The following POLE2 variants were observed in gnomAD, a reference collection of about 807,000 sequenced individuals.
POLE2 encodes DNA polymerase epsilon subunit 2.
Under a neutral mutation model 79.4 loss-of-function variants are expected in POLE2, and 56 were observed. The observed-to-expected ratio is 0.71, with a 90% CI of 0.57 to 0.88. POLE2 has a LOEUF of 0.88. Among genes scored for constraint, POLE2 ranks in the 40% least tolerant of loss-of-function variants. POLE2 has a pLI of 0.00. For synonymous variants in POLE2, 212 were observed against 214.0 expected (o/e 0.99, Z 0.08); for missense variants, 598 against 638.9 (o/e 0.94, Z 0.69).
chr14:49,677,452 C>T (rs1886363873), intron 3 of POLE2: 4 of 459,376 alleles, frequency 8.7e-6, no homozygotes, highest in South Asian at 2.8e-5. Flanking sequence ...TGCTTGGAGA[C>T]GAGGGGCAGC....
intron 18 of POLE2, among the ~76,000 whole-genome samples, chr14:49,645,635 A>G (rs1883706186): frequency 6.6e-6 from 1 of 152,178 alleles, no homozygotes; most frequent in Non-Finnish European, 1.5e-5. Flanking sequence ...AAGTACCATG[A>G]GACAGGGTAC....
At chr14:49,656,536 T>G (rs147836051) in intron 10 of POLE2, among the ~76,000 whole-genome samples, 472 of 152,252 alleles carry the variant, frequency 3.1e-3, no homozygotes, top group Non-Finnish European at 5.5e-3. Context: ...ATTAAAGATA[T>G]ATACAAAGAC....
intron 15 of POLE2, 177 bp downstream of exon 15, chr14:49,653,813 A>C: frequency 2.0e-6 from 1 of 508,488 alleles, no homozygotes; most frequent in Non-Finnish European, 3.5e-6. Flanking sequence ...AAGCCCAGCT[A>C]ATTTTTGTAC....
At chr14:49,672,075 G>T (rs1885938606) in intron 5 of POLE2, among the ~76,000 whole-genome samples, 1 of 152,202 alleles carries the variant, frequency 6.6e-6, no homozygotes, top group Non-Finnish European at 1.5e-5. Flanking sequence ...GGAGATAAGA[G>T]GGAAGAGCAG....
At chr14:49,655,462 C>CACACAT (rs958026184) in intron 11 of POLE2, among the ~76,000 whole-genome samples, 12 of 138,030 alleles carry the variant, frequency 8.7e-5, no homozygotes, top group African/African-American at 3.0e-4. Flanking sequence ...ACTATAAACA[C>CACACAT]ACACACACAC....
At chr14:49,644,172 G>A (rs914652134) in intron 18 of POLE2, among the ~76,000 whole-genome samples, 7 of 149,416 alleles carry the variant, frequency 4.7e-5, no homozygotes, top group African/African-American at 7.3e-5. Context: ...ATGAGCCACC[G>A]CGCCCGGCCA....
At chr14:49,666,024 C>T (rs1175346712) in intron 7 of POLE2, among the ~76,000 whole-genome samples, 1 of 152,126 alleles carries the variant, frequency 6.6e-6, no homozygotes, top group East Asian at 1.9e-4. Flanking sequence ...CAGGGTTTCT[C>T]CATGTTGGTC....
At position 49,665,189 on chromosome 14, in the gene POLE2, C is replaced by T. The variant is rs376247538; in HGVS notation, c.577-26G>A. ...CTAAAAAAATGAAAATAAATAAATC[C>T]ACATTTATGTAACAATGAAAACCGT... On this transcript the variant is annotated intron_variant, in intron 7 of 18. Coordinates refer to ENST00000216367, the MANE Select transcript of POLE2 (RefSeq NM_002692.4). 2.7e-4 allele frequency: 265 copies of T among 991,862 alleles called. No homozygotes were observed. In the African/African-American group the frequency reaches 3.5e-3, roughly 13 times the overall value. 61.4% of individuals were successfully genotyped at this position (991,862 alleles called of 1,614,324 possible).
chr14:49,674,527 T>G (rs1461686409), intron 3 of POLE2, 100 bp from the exon 4 acceptor site: 1 of 731,340 alleles, frequency 1.4e-6, no homozygotes, highest in Admixed American at 2.5e-5. Context: ...ATAACACACT[T>G]TTCACATTTT....
chr14:49,677,850 T>C, intron 3 of POLE2: 1 of 441,020 alleles, frequency 2.3e-6, no homozygotes, highest in East Asian at 4.1e-5. Flanking sequence ...CAGCTGGAGG[T>C]ACTGCAGCCC....
chr14:49,687,312 A>ACACACACG (rs961264460), intron 1 of POLE2, among the ~76,000 whole-genome samples: 2 of 149,210 alleles, frequency 1.3e-5, no homozygotes, highest in Non-Finnish European at 3.0e-5. Context: ...ACACACACAC[A>ACACACACG]CACACACACA....
Position 49,683,708 on chromosome 14 carries a change from G to A in POLE2, c.69-15C>T, listed in dbSNP as rs1397343112. On this transcript the variant is annotated splice_polypyrimidine_tract_variant and intron_variant, in intron 1 of 18. Coordinates refer to ENST00000216367, the MANE Select transcript of POLE2 (RefSeq NM_002692.4). ...TAATAGCTTCACTAAGAAAAGGAAA[G>A]GAAAAATGAGGCAGGTCATTAGTAA... The A allele has an allele frequency of 7.8e-7, 1 of 1,281,008 alleles. No individual in the cohort carries two copies. The allele number at this position is 1,281,008 out of a possible 1,614,324, so 79.4% of individuals were successfully genotyped here. A position where few individuals can be genotyped will look rare whatever the true frequency, so the allele number is the denominator to read the frequency against.
At chr14:49,682,640 G>GGGAAAAAAAAAAAAAAAAAAA (rs1373991966) in intron 2 of POLE2, among the ~76,000 whole-genome samples, 1 of 60,976 alleles carries the variant, frequency 1.6e-5, no homozygotes, top group African/African-American at 5.7e-5. Context: ...CCTTCTCAGG[G>GGGAAAAAAAAAAAAAAAAAAA]AAAAAAAAAA....
chr14:49,666,378 G>A lies in POLE2; in HGVS notation c.528C>T (p.Thr176=). The A allele has an allele frequency of 6.5e-7, 1 of 1,541,456 alleles. No individual in the cohort carries two copies. The highest frequency in any genetic ancestry group is 8.8e-7 in the Non-Finnish European group (1 of 1,139,036). ...KTIETLLGST[T]KIGDAIVLGM... ...CAAGAACAATCGCATCTCCGATTTT[G>A]GTTGTACTACCCAATAAGGTTTCTA... is the stretch of plus-strand genomic sequence containing the variant. The change falls in exon 7 of 19, where the codon ACC becomes ACT. Residue 176 remains threonine (T), a synonymous_variant. Coordinates refer to ENST00000216367, the MANE Select transcript of POLE2 (RefSeq NM_002692.4).
intron 10 of POLE2, among the ~76,000 whole-genome samples, chr14:49,661,467 A>G (rs1416489257): frequency 1.3e-5 from 2 of 152,230 alleles, no homozygotes. Context: ...ATACCCAAAC[A>G]TAAATCAGAG....
At chr14:49,681,037 T>C (rs1380512662) in intron 2 of POLE2, among the ~76,000 whole-genome samples, 1 of 152,228 alleles carries the variant, frequency 6.6e-6, no homozygotes, top group African/African-American at 2.4e-5. Flanking sequence ...TCACGGAGTA[T>C]GTTTCTTCCT....
At chr14:49,684,661 T>TTA (rs1472723628) in intron 1 of POLE2, 2 of 100,316 alleles carry the variant, frequency 2.0e-5, no homozygotes, top group African/African-American at 7.7e-5. Flanking sequence ...TGACCATCAT[T>TTA]AAAAAAAAAA....
chr14:49,668,914 C>T (rs1412335765), intron 6 of POLE2, among the ~76,000 whole-genome samples: 2 of 152,190 alleles, frequency 1.3e-5, no homozygotes, highest in African/African-American at 4.8e-5. Context: ...AATCCTCCCA[C>T]CTCAGCCTCT....
chr14:49,679,834 A>AT (rs1886570473), intron 2 of POLE2, 34 bp from the exon 3 acceptor site: 1 of 1,284,188 alleles, frequency 7.8e-7, no homozygotes, highest in African/African-American at 1.5e-5. Flanking sequence ...AAATTTAAAA[A>AT]CAAAAAAAAA....
Sources: allele counts gnomAD v4.1 joint callset (sites outside exome capture counted in the v4.1 genomes callset), GRCh38; gene constraint gnomAD v4.1.1; transcripts MANE v1.5; gene names NCBI Gene and HGNC (gene_info 2026-07-23, HGNC 2026-07-21).